NSMCE1: variants seen among roughly 807,000 people sequenced by gnomAD.
NSMCE1 encodes NSE1 component of SMC5/6 complex.
Under a neutral mutation model 29.6 loss-of-function variants are expected in NSMCE1, and 18 were observed. The observed-to-expected ratio is 0.61, with a 90% CI of 0.42 to 0.90. The LOEUF is 0.90. Among genes scored for constraint, NSMCE1 ranks in the 40% least tolerant of loss-of-function variants. The pLI is 0.00. For missense variants in NSMCE1, 314 were observed against 343.6 expected, an observed-to-expected ratio of 0.91 and a Z score of 0.68; for synonymous variants, 124 against 133.4, an observed-to-expected ratio of 0.93 and a Z score of 0.49.
At chr16:27,263,471 C>T (rs1291109452) in intron 1 of NSMCE1, among the ~76,000 whole-genome samples, 1 of 152,170 alleles carries the variant, frequency 6.6e-6, no homozygotes, top group African/African-American at 2.4e-5. Context: ...CATGTTCTCA[C>T]TTATAAGTGG....
rs139106787 is a variant in NSMCE1 at position 27,246,963 on chromosome 16, T to C, written c.136+10472A>G. ...CGCTTCCATATTATATCTGCAAAGT[T>C]AAAACTCCTAGATCTAATTAGGAGG... On this transcript the variant is annotated intron_variant, in intron 2 of 7. Coordinates refer to ENST00000361439, the MANE Select transcript of NSMCE1 (RefSeq NM_145080.4). Among the ~76,000 whole-genome samples, 329 of 147,066 alleles carry C rather than the reference T, an allele frequency of 2.2e-3. 2 individuals carry two copies. Among genetic ancestry groups the C allele is most frequent in the Non-Finnish European group, 3.8e-3 (255 of 67,996 alleles).
rs1298385458 is a variant in NSMCE1 at position 27,229,596 on chromosome 16, CAG to C, written c.484-2762_484-2761del. Among the ~76,000 whole-genome samples, 10 of 152,274 alleles carry C rather than the reference CAG, an allele frequency of 6.6e-5. No individual in the cohort carries two copies. The East Asian group carries it at 7.7e-4, about 12-fold the overall frequency. On this transcript the variant is annotated intron_variant, in intron 5 of 7. Transcript: ENST00000361439. ...TTATTTTTTATTTATTTATTTGAGA[CAG>C]AGTTTCGCTCTTGTTGCCCAGGCTA...
intron 2 of NSMCE1, among the ~76,000 whole-genome samples, chr16:27,243,975 T>C (rs1249114092): frequency 6.6e-6 from 1 of 152,208 alleles, no homozygotes; most frequent in African/African-American, 2.4e-5. Flanking sequence ...TATCCCTGTT[T>C]CTAAGAGACA....
At chr16:27,267,633 A>G (rs965321302) in intron 1 of NSMCE1, among the ~76,000 whole-genome samples, 13 of 152,310 alleles carry the variant, frequency 8.5e-5, no homozygotes, top group African/African-American at 3.1e-4. Context: ...GGGAAAAAAA[A>G]AAAAAAGTCT....
chr16:27,251,717 C>G (rs755556535), intron 2 of NSMCE1, among the ~76,000 whole-genome samples: 6 of 152,158 alleles, frequency 3.9e-5, no homozygotes, highest in African/African-American at 9.7e-5. Flanking sequence ...TTGGGCCGGG[C>G]ACTATTCCCA....
chr16:27,226,086 A>G, intron 6 of NSMCE1: 1 of 404,890 alleles, frequency 2.5e-6, no homozygotes, highest in South Asian at 2.9e-5. Context: ...ACAGAAGCCG[A>G]GGGCTCCCAA....
chr16:27,248,766 T>C (rs1262639748), intron 2 of NSMCE1, among the ~76,000 whole-genome samples: 1 of 151,920 alleles, frequency 6.6e-6, no homozygotes, highest in Non-Finnish European at 1.5e-5. Context: ...ATCTGCCATC[T>C]GTACAACCGA....
chr16:27,228,513 T>C (rs1225392719), intron 5 of NSMCE1, among the ~76,000 whole-genome samples: 18 of 148,554 alleles, frequency 1.2e-4, no homozygotes, highest in Admixed American at 1.2e-3. Context: ...TCCAGATCCA[T>C]CACGGCACCC....
intron 2 of NSMCE1, among the ~76,000 whole-genome samples, chr16:27,243,847 C>T (rs527310921): frequency 3.3e-5 from 5 of 152,162 alleles, no homozygotes; most frequent in African/African-American, 9.7e-5. Flanking sequence ...CCTGAGGTCT[C>T]GCAATGTTGC....
intron 2 of NSMCE1, among the ~76,000 whole-genome samples, chr16:27,251,465 C>T (rs79568779): frequency 0.021 from 3,239 of 151,864 alleles, 111 homozygotes; most frequent in African/African-American, 0.073. Flanking sequence ...CAGGATAAAC[C>T]CTACTTGGTT....
At chr16:27,229,684 C>A (rs2140986915) in intron 5 of NSMCE1, among the ~76,000 whole-genome samples, 1 of 152,356 alleles carries the variant, frequency 6.6e-6, no homozygotes, top group East Asian at 1.9e-4. Context: ...TCAAGCGATT[C>A]TTCTGCCTCA....
intron 2 of NSMCE1, among the ~76,000 whole-genome samples, chr16:27,245,281 G>T (rs1231174556): frequency 4.6e-5 from 7 of 152,254 alleles, no homozygotes; most frequent in Non-Finnish European, 1.5e-5. Flanking sequence ...AACAGGACTT[G>T]AATTCATGCC....
intron 2 of NSMCE1, among the ~76,000 whole-genome samples, chr16:27,246,879 C>T (rs1263542246): frequency 1.3e-5 from 2 of 152,070 alleles, no homozygotes; most frequent in African/African-American, 4.8e-5. Context: ...ACTGGAGAAA[C>T]CTGGCTGACC....
At position 27,251,185 on chromosome 16, in the gene NSMCE1, TATATAA is replaced by T. The variant is rs1263639429; in HGVS notation, c.136+6244_136+6249del. Reference sequence around the variant, plus strand: ...ATATATATATATATATATATATATATATATAAATATATATATATATATAAAACTCTG... The same window carrying T: ...ATATATATATATATATATATATATATATATATATATATATATAAAACTCTG... On this transcript the variant is annotated intron_variant, in intron 2 of 7. Transcript: ENST00000361439. Among the ~76,000 whole-genome samples, 65 of 52,806 alleles carry T rather than the reference TATATAA, an allele frequency of 1.2e-3. 1 individual carries two copies. The highest frequency in any genetic ancestry group is 9.1e-3 in the African/African-American group (45 of 4,960). The allele number at this position is 52,806 out of a possible 152,430, so 34.6% of individuals were successfully genotyped here.
At chr16:27,251,480 C>T (rs758819051) in intron 2 of NSMCE1, among the ~76,000 whole-genome samples, 11 of 152,194 alleles carry the variant, frequency 7.2e-5, no homozygotes, top group Non-Finnish European at 1.3e-4. Context: ...TTGGTTATGT[C>T]GTACCATCCT....
chr16:27,247,093 G>C (rs2083965853), intron 2 of NSMCE1, among the ~76,000 whole-genome samples: 1 of 152,146 alleles, frequency 6.6e-6, no homozygotes, highest in Non-Finnish European at 1.5e-5. Context: ...ATACATATTG[G>C]ATTGCAAAGA....
chr16:27,232,949 C>T lies in NSMCE1; in HGVS notation c.483+52G>A, dbSNP rs770160221. On this transcript the variant is annotated intron_variant, in intron 5 of 7. Coordinates refer to ENST00000361439, the MANE Select transcript of NSMCE1 (RefSeq NM_145080.4). This position sits in a 1 kb window ranked among gnomAD's most constrained non-coding sequence, Gnocchi z 4.5. ...TACAAGTACGATTTTGGAGAAAAAA[C>T]TGTTATTCACTTGAAAAAGTGAACC... is the stretch of plus-strand genomic sequence containing the variant. 3.8e-6 allele frequency: 6 copies of T among 1,592,350 alleles called. No homozygotes were observed. In the Admixed American group the frequency reaches 8.8e-5, roughly 23 times the overall value.
At chr16:27,261,976 C>G (rs954373330) in intron 1 of NSMCE1, among the ~76,000 whole-genome samples, 1 of 152,254 alleles carries the variant, frequency 6.6e-6, no homozygotes, top group Non-Finnish European at 1.5e-5. Context: ...AGCGCGGTGG[C>G]TCATGCCTGT....
At position 27,225,713 on chromosome 16, in the gene NSMCE1, A is replaced by G. The variant is rs2083682447; in HGVS notation, c.721+13T>C. ...GCCCAGCCCCTCCCATGAGCTCCTCAGGGCCCACGCACTTGGGATCTCGTG... is the reference window on the plus strand; with the variant it reads ...GCCCAGCCCCTCCCATGAGCTCCTCGGGGCCCACGCACTTGGGATCTCGTG... On this transcript the variant is annotated intron_variant, in intron 7 of 7. Coordinates refer to ENST00000361439, the MANE Select transcript of NSMCE1 (RefSeq NM_145080.4). 6.2e-7 allele frequency: 1 copy of G among 1,613,882 alleles called. No individual in the cohort carries two copies. The highest frequency in any genetic ancestry group is 8.5e-7 in the Non-Finnish European group (1 of 1,179,936).
Sources: gnomAD v4.1 joint callset for allele counts (sites outside exome capture counted in the v4.1 genomes callset) on GRCh38, gnomAD v4.1.1 for gene constraint, Gnocchi (gnomAD v3.1) non-coding constraint, MANE v1.5 for transcripts, NCBI Gene and HGNC (gene_info 2026-07-23, HGNC 2026-07-21) for gene names.